Variants in CDK14 observed in about 807,000 individuals in gnomAD.
The protein encoded by CDK14 is cyclin dependent kinase 14, also known as cyclin-dependent kinase 14.
CDK14 carries 34 observed loss-of-function variants against 60.7 expected under a neutral mutation model. That is an observed-to-expected ratio of 0.56 (90% CI 0.43 to 0.75). The LOEUF is 0.75. Ranked by LOEUF, CDK14 falls within the 30% of genes least tolerant of loss-of-function variation. CDK14 has a pLI of 0.00. For missense variants in CDK14, 482 were observed against 564.1 expected (o/e 0.85, Z 1.47); for synonymous variants, 197 against 203.7 (o/e 0.97, Z 0.28).
At chr7:90,986,741 T>C (rs1178589758) in intron 10 of CDK14, among the ~76,000 whole-genome samples, 2 of 151,978 alleles carry the variant, frequency 1.3e-5, no homozygotes, top group Non-Finnish European at 2.9e-5. Flanking sequence ...TCCAAATATT[T>C]AGCATTTTTA....
chr7:91,175,425 A>T (rs1444002936), intron 14 of CDK14, among the ~76,000 whole-genome samples: 5 of 152,020 alleles, frequency 3.3e-5, no homozygotes, highest in Non-Finnish European at 5.9e-5. Context: ...ACCAGCTAAC[A>T]TCATCATGAC....
At chr7:91,088,572 TG>T (rs1798707101) in intron 12 of CDK14, among the ~76,000 whole-genome samples, 1 of 125,632 alleles carries the variant, frequency 8.0e-6, no homozygotes, top group Non-Finnish European at 1.6e-5. Context: ...TATATATATG[TG>T]TGTGTGTGTG....
intron 2 of CDK14, among the ~76,000 whole-genome samples, chr7:90,666,641 T>C (rs1026669830): frequency 1.3e-5 from 2 of 152,236 alleles, no homozygotes; most frequent in African/African-American, 4.8e-5. Context: ...CGGAACATAG[T>C]TTGGGAAAAT....
At chr7:91,083,055 G>A (rs1316608453) in intron 12 of CDK14, among the ~76,000 whole-genome samples, 27 of 152,066 alleles carry the variant, frequency 1.8e-4, no homozygotes, top group Non-Finnish European at 5.9e-5. Context: ...ATTTCACTAG[G>A]AGGAGCAGTT....
At chr7:90,625,189 A>AT (rs1187187334) in intron 2 of CDK14, among the ~76,000 whole-genome samples, 4 of 152,042 alleles carry the variant, frequency 2.6e-5, no homozygotes, top group Non-Finnish European at 5.9e-5. Flanking sequence ...ATAAAAAAAA[A>AT]CCTGGCCAGG....
chr7:90,831,607 A>G (rs1158806337), intron 5 of CDK14, among the ~76,000 whole-genome samples: 3 of 152,022 alleles, frequency 2.0e-5, no homozygotes, highest in South Asian at 2.1e-4. Context: ...TGCAGAATAG[A>G]TCTGGAATCT....
chr7:91,187,382 CAG>C (rs1166261807), intron 14 of CDK14, among the ~76,000 whole-genome samples: 5 of 152,306 alleles, frequency 3.3e-5, no homozygotes, highest in South Asian at 2.1e-4. Flanking sequence ...CATTTCTGAA[CAG>C]AGTGTTCTTT....
At chr7:90,877,493 C>CA (rs1220097122) in intron 6 of CDK14, among the ~76,000 whole-genome samples, 1 of 152,106 alleles carries the variant, frequency 6.6e-6, no homozygotes, top group African/African-American at 2.4e-5. Flanking sequence ...CCTTTCTTCT[C>CA]AAATATGTGA....
chr7:90,722,663 C>A (rs1802499708), intron 2 of CDK14, among the ~76,000 whole-genome samples: 1 of 151,318 alleles, frequency 6.6e-6, no homozygotes, highest in Non-Finnish European at 1.5e-5. Context: ...CCTCTTCTGT[C>A]TTAATGATAG....
chr7:90,868,282 A>G (rs1187907134), intron 6 of CDK14, among the ~76,000 whole-genome samples: 1 of 148,592 alleles, frequency 6.7e-6, no homozygotes, highest in African/African-American at 2.5e-5. Context: ...ATATATGTAT[A>G]TATACACACT....
In CDK14 at chr7:91,210,434, T is replaced by G. The variant is rs145508457; in HGVS notation, c.*3298T>G. The G allele has an allele frequency of 6.5e-6, 1 of 152,694 alleles. No homozygotes were observed. The highest frequency in any genetic ancestry group is 1.9e-4 in the East Asian group (1 of 5,188). 9.5% of individuals were successfully genotyped at this position (152,694 alleles called of 1,614,324 possible). A position where few individuals can be genotyped will look rare whatever the true frequency, so the allele number is the denominator to read the frequency against. On this transcript the variant is annotated 3_prime_UTR_variant, in exon 15 of 15. Transcript: ENST00000380050. ...GCATTATTCAGAAAACTATTATACTTTCAAATGACACATAGTAAGGAGAAT... is the reference window on the plus strand; with the variant it reads ...GCATTATTCAGAAAACTATTATACTGTCAAATGACACATAGTAAGGAGAAT...
At chr7:90,734,375 G>T (rs992911156) in intron 3 of CDK14, among the ~76,000 whole-genome samples, 1 of 152,124 alleles carries the variant, frequency 6.6e-6, no homozygotes, top group Non-Finnish European at 1.5e-5. Context: ...GGTTGGGGAA[G>T]TTCTCCTGGA....
At chr7:91,122,465 C>A (rs1160937426) in intron 14 of CDK14, among the ~76,000 whole-genome samples, 1 of 152,148 alleles carries the variant, frequency 6.6e-6, no homozygotes, top group Non-Finnish European at 1.5e-5. Flanking sequence ...GCAGCACTGT[C>A]TGAACGTTAG....
At chr7:91,011,630 C>G (rs1243772880) in intron 10 of CDK14, among the ~76,000 whole-genome samples, 2 of 151,966 alleles carry the variant, frequency 1.3e-5, no homozygotes, top group East Asian at 3.9e-4. Flanking sequence ...ATTCTGTTTT[C>G]TTTTTTCTGT....
rs989570975 is a variant in CDK14, at chr7:91,058,013, C to T, written c.1105+12053C>T. 7.2e-5 allele frequency among the ~76,000 whole-genome samples: 11 copies of T among 152,014 alleles called. No homozygotes were observed. In the South Asian group the frequency reaches 8.3e-4, roughly 12 times the overall value. ...ACCTTGGGCAGTATGGCCATTTTCACGATATTGATTCTTCCTACCCATGAG... is the reference window on the plus strand; with the variant it reads ...ACCTTGGGCAGTATGGCCATTTTCATGATATTGATTCTTCCTACCCATGAG... On this transcript the variant is annotated intron_variant, in intron 11 of 14. Transcript: ENST00000380050.
intron 2 of CDK14, among the ~76,000 whole-genome samples, chr7:90,677,225 C>T (rs1163365696): frequency 2.0e-5 from 3 of 152,130 alleles, no homozygotes; most frequent in Non-Finnish European, 2.9e-5. Flanking sequence ...TTCCATGGTT[C>T]GTAGTCTTGT....
intron 2 of CDK14, among the ~76,000 whole-genome samples, chr7:90,659,840 T>C (rs946765438): frequency 1.4e-4 from 15 of 106,846 alleles, no homozygotes; most frequent in Non-Finnish European, 2.0e-4. Context: ...GGAATGCTTC[T>C]CTCTCTCTCT....
intron 1 of CDK14, among the ~76,000 whole-genome samples, chr7:90,603,080 C>G: frequency 6.6e-6 from 1 of 152,078 alleles, no homozygotes; most frequent in East Asian, 1.9e-4. Context: ...TACCCAAGTG[C>G]TTCTATCCAG....
At chr7:90,938,683 C>T (rs78939717) in intron 8 of CDK14, among the ~76,000 whole-genome samples, 1 of 152,144 alleles carries the variant, frequency 6.6e-6, no homozygotes, top group African/African-American at 2.4e-5. Context: ...AAATGGCTTA[C>T]CTTTTGACTT....
Sources: gnomAD v4.1 joint callset for allele counts (sites outside exome capture counted in the v4.1 genomes callset) on GRCh38, gnomAD v4.1.1 for gene constraint, MANE v1.5 for transcripts, NCBI Gene and HGNC (gene_info 2026-07-23, HGNC 2026-07-21) for gene names.